The following RIMS1 variants were observed in gnomAD, a reference collection of about 807,000 sequenced individuals.
RIMS1 encodes regulating synaptic membrane exocytosis protein 1.
RIMS1 carries 83 observed loss-of-function variants against 214.1 expected under a neutral mutation model. The observed-to-expected ratio is 0.39, with a 90% CI of 0.32 to 0.47. The LOEUF (loss-of-function observed/expected upper bound fraction) is 0.47. RIMS1 is among the 20% of genes least tolerant of loss of function. The probability of loss-of-function intolerance (pLI) is 0.99; values close to 1 mark genes in which losing one functional copy is unlikely to be tolerated. For missense variants in RIMS1, 2,050 were observed against 2,161.8 expected (o/e 0.95, Z 1.03); for synonymous variants, 793 against 786.8 (o/e 1.01, Z -0.13).
At chr6:72,352,190 TA>T (rs1435562966) in intron 29 of RIMS1, among the ~76,000 whole-genome samples, 1 of 152,238 alleles carries the variant, frequency 6.6e-6, no homozygotes, top group African/African-American at 2.4e-5. Context: ...TCTGTATACT[TA>T]CAAGAAAACT....
At chr6:72,246,041 G>T (rs1367620577) in intron 11 of RIMS1, among the ~76,000 whole-genome samples, 180 bp downstream of exon 11, 1 of 151,890 alleles carries the variant, frequency 6.6e-6, no homozygotes, top group East Asian at 1.9e-4. Context: ...CCTACTTCAG[G>T]ATTTTTCTTC....
intron 29 of RIMS1, among the ~76,000 whole-genome samples, chr6:72,361,502 T>G (rs1379021091): frequency 6.6e-6 from 1 of 152,186 alleles, no homozygotes; most frequent in Non-Finnish European, 1.5e-5. Flanking sequence ...CAAAGTATTT[T>G]CAAGTATTTC....
At chr6:71,915,377 A>C (rs1778053089) in intron 1 of RIMS1, among the ~76,000 whole-genome samples, 1 of 152,130 alleles carries the variant, frequency 6.6e-6, no homozygotes, top group Non-Finnish European at 1.5e-5. Flanking sequence ...GCCTTTCTTT[A>C]AATAATAGTT....
At chr6:71,936,443 C>G (rs1784496921) in intron 1 of RIMS1, among the ~76,000 whole-genome samples, 1 of 151,290 alleles carries the variant, frequency 6.6e-6, no homozygotes, top group South Asian at 2.1e-4. Context: ...GATTAGTTAA[C>G]CAGCTGCCTC....
In RIMS1 at chr6:72,243,467, C is replaced by T. The variant is rs191238536; in HGVS notation, c.2081+1030C>T. ...CATTTGCAAAAGTGTTGTACATTTC[C>T]ATGTAGATTTTTAAAATAACAATAC... is the stretch of plus-strand genomic sequence containing the variant. On this transcript the variant is annotated intron_variant, in intron 10 of 33. Coordinates refer to ENST00000521978, the MANE Select transcript of RIMS1 (RefSeq NM_014989.7). Among the ~76,000 whole-genome samples the T allele has an allele frequency of 4.6e-5, 7 of 151,780 alleles. No individual in the cohort carries two copies. In the East Asian group the frequency reaches 1.4e-3, roughly 29 times the overall value.
chr6:71,962,040 A>G (rs1204357192), intron 1 of RIMS1, among the ~76,000 whole-genome samples: 2 of 152,160 alleles, frequency 1.3e-5, no homozygotes, highest in Non-Finnish European at 2.9e-5. Context: ...TAGCTTGAGT[A>G]AAAAGAGGTT....
At chr6:72,149,580 T>C (rs1216285478) in intron 4 of RIMS1, among the ~76,000 whole-genome samples, 1 of 152,150 alleles carries the variant, frequency 6.6e-6, no homozygotes, top group East Asian at 1.9e-4. Context: ...TCTGTAGCCA[T>C]GCCATTCACT....
intron 4 of RIMS1, among the ~76,000 whole-genome samples, chr6:72,166,300 GTT>G (rs148899087): frequency 1.4e-5 from 2 of 143,286 alleles, no homozygotes; most frequent in Admixed American, 6.9e-5. Context: ...CTTGGTGTCT[GTT>G]TTTTTTTTTT....
At chr6:72,007,420 T>A (rs915378049) in intron 2 of RIMS1, among the ~76,000 whole-genome samples, 5 of 152,128 alleles carry the variant, frequency 3.3e-5, no homozygotes, top group African/African-American at 9.7e-5. Flanking sequence ...AGAGTGTCTC[T>A]CCTCCTCCAA....
chr6:72,118,975 C>A (rs2037656501), intron 4 of RIMS1, among the ~76,000 whole-genome samples: 1 of 151,142 alleles, frequency 6.6e-6, no homozygotes, highest in Non-Finnish European at 1.5e-5. Flanking sequence ...CCTGGCCAGA[C>A]CAATCAGACA....
At position 71,992,402 on chromosome 6, in the gene RIMS1, CTCTCTTTCTT is replaced by C. The variant is rs1426506664; in HGVS notation, c.245+23343_245+23352del. 5.8e-3 allele frequency among the ~76,000 whole-genome samples: 838 copies of C among 144,078 alleles called. 9 individuals carry two copies. Among genetic ancestry groups the C allele is most frequent in the African/African-American group, 0.016 (603 of 38,504 alleles). 94.5% of individuals were successfully genotyped at this position (144,078 alleles called of 152,430 possible). A position where few individuals can be genotyped will look rare whatever the true frequency, so the allele number is the denominator to read the frequency against. ...TTTGCTTGCTTCTTTCTTTCTCTCT[CTCTCTTTCTT>C]TCTTTCTTTCTTTCTTTCTTTCTTT... On this transcript the variant is annotated intron_variant, in intron 2 of 33. Coordinates refer to ENST00000521978, the MANE Select transcript of RIMS1 (RefSeq NM_014989.7).
rs531659044 is a variant in RIMS1, at chr6:72,159,203, G to T, written c.472-20372G>T. Reference sequence around the variant, plus strand: ...TGGCTGCATAAATGTCTTCTTTTGAGAAGTGTCTGTTCATATCTTTCACCC... The same window carrying T: ...TGGCTGCATAAATGTCTTCTTTTGATAAGTGTCTGTTCATATCTTTCACCC... On this transcript the variant is annotated intron_variant, in intron 4 of 33. Transcript: ENST00000521978. Among the ~76,000 whole-genome samples the T allele has an allele frequency of 1.4e-3, 204 of 141,356 alleles. 7 individuals are homozygous for T. Among genetic ancestry groups the T allele is most frequent in the African/African-American group, 4.9e-3 (200 of 40,828 alleles). 92.7% of individuals were successfully genotyped at this position (141,356 alleles called of 152,430 possible).
In RIMS1 at chr6:72,073,152, T is replaced by C. The variant is rs1830971962; in HGVS notation, c.246-23797T>C. On this transcript the variant is annotated intron_variant, in intron 2 of 33. Coordinates refer to ENST00000521978, the MANE Select transcript of RIMS1 (RefSeq NM_014989.7). ...CCTGTGCTCCTTTCTTGAGCAGCAT[T>C]TGTATTTTTGTCATCTATGCCATTT... 2.0e-5 allele frequency among the ~76,000 whole-genome samples: 3 copies of C among 152,132 alleles called. No homozygotes were observed. The South Asian group carries it at 6.2e-4, about 32-fold the overall frequency.
chr6:72,067,234 A>G (rs146516805), intron 2 of RIMS1, among the ~76,000 whole-genome samples: 211 of 152,282 alleles, frequency 1.4e-3, no homozygotes, highest in African/African-American at 4.5e-3. Context: ...AATGTATGCA[A>G]TTTGTCATTG....
intron 6 of RIMS1, among the ~76,000 whole-genome samples, chr6:72,202,058 A>T (rs2153993715): frequency 6.6e-6 from 1 of 152,218 alleles, no homozygotes; most frequent in Non-Finnish European, 1.5e-5. Context: ...TCTTCTTTGT[A>T]TGTCTTGTTT....
chr6:72,174,413 C>T (rs969998734), intron 4 of RIMS1, among the ~76,000 whole-genome samples: 2 of 152,054 alleles, frequency 1.3e-5, no homozygotes, highest in African/African-American at 4.8e-5. Flanking sequence ...AGCTATTTTG[C>T]AAATTATACA....
At chr6:71,972,764 T>TG (rs1796173516) in intron 2 of RIMS1, among the ~76,000 whole-genome samples, 2 of 152,176 alleles carry the variant, frequency 1.3e-5, no homozygotes, top group Admixed American at 1.3e-4. Flanking sequence ...CTTCTCAAGT[T>TG]GGGGGAGGAG....
intron 4 of RIMS1, among the ~76,000 whole-genome samples, chr6:72,104,808 A>G (rs1284820405): frequency 6.6e-6 from 1 of 152,104 alleles, no homozygotes; most frequent in Non-Finnish European, 1.5e-5. Flanking sequence ...TTAAAAAATA[A>G]TTTTTATTAG....
chr6:72,047,634 T>C (rs548373909), intron 2 of RIMS1, among the ~76,000 whole-genome samples: 2 of 152,170 alleles, frequency 1.3e-5, no homozygotes, highest in South Asian at 4.1e-4. Context: ...TTTGGCCTCA[T>C]TGGCAATCTG....
Sources: allele counts gnomAD v4.1 joint callset (sites outside exome capture counted in the v4.1 genomes callset), GRCh38; gene constraint gnomAD v4.1.1; transcripts MANE v1.5; gene names NCBI Gene and HGNC (gene_info 2026-07-23, HGNC 2026-07-21).